ITGA8: variants seen among roughly 807,000 people sequenced by gnomAD.
ITGA8 encodes the protein integrin alpha-8.
ITGA8 carries 91 observed loss-of-function variants against 142.3 expected under a neutral mutation model. That is an observed-to-expected ratio of 0.64 (90% CI 0.54 to 0.76). The LOEUF is 0.76. Among genes scored for constraint, ITGA8 ranks in the 30% least tolerant of loss-of-function variants. The pLI is 0.00. For missense variants in ITGA8, 1,406 were observed against 1,327.7 expected, an observed-to-expected ratio of 1.06 and a Z score of -0.92; for synonymous variants, 505 against 485.2, an observed-to-expected ratio of 1.04 and a Z score of -0.54.
intron 27 of ITGA8, among the ~76,000 whole-genome samples, chr10:15,543,065 C>T (rs1303098625): frequency 1.3e-5 from 2 of 152,140 alleles, no homozygotes; most frequent in Non-Finnish European, 2.9e-5. Flanking sequence ...AGAATAAACA[C>T]CATAAATTAC....
chr10:15,593,251 A>C (rs1030897286), intron 21 of ITGA8, among the ~76,000 whole-genome samples: 8 of 152,256 alleles, frequency 5.3e-5, no homozygotes, highest in African/African-American at 1.9e-4. Context: ...ATAGATAAAA[A>C]CATGGGGAAA....
chr10:15,613,541 C>T (rs1211881612), intron 15 of ITGA8, 119 bp downstream of exon 15: 10 of 750,644 alleles, frequency 1.3e-5, no homozygotes, highest in Admixed American at 2.3e-5. Context: ...AAGCTTTTTT[C>T]GAGAAATGCA....
At chr10:15,668,925 C>T (rs1324939013) in intron 8 of ITGA8, among the ~76,000 whole-genome samples, 4 of 152,278 alleles carry the variant, frequency 2.6e-5, no homozygotes, top group East Asian at 1.9e-4. Flanking sequence ...GTGGGTAACC[C>T]GACCTTTCTC....
intron 25 of ITGA8, among the ~76,000 whole-genome samples, chr10:15,570,870 A>C (rs923119238): frequency 4.6e-5 from 7 of 152,218 alleles, no homozygotes; most frequent in African/African-American, 1.7e-4. Context: ...AAAAAGAGTT[A>C]GAGGTCTCTG....
chr10:15,575,744 T>G, intron 23 of ITGA8, 150 bp from the exon 24 acceptor site: 1 of 618,796 alleles, frequency 1.6e-6, no homozygotes, highest in Non-Finnish European at 2.9e-6. Context: ...GAAAGTGATG[T>G]ACAGTAGAAT....
Position 15,655,356 on chromosome 10 carries a change from A to G in ITGA8, c.999T>C (p.Asp333=). The G allele has an allele frequency of 6.3e-7, 1 of 1,590,482 alleles. No individual in the cohort carries two copies. The highest frequency in any genetic ancestry group is 8.6e-7 in the Non-Finnish European group (1 of 1,158,834). The part of the protein sequence containing the change: ...YTVVVSDVNS[D]GLDDVLVGAP... The stretch of plus-strand genomic sequence containing the variant: ...ATGAGAGAGGTCTATAAACTTACCC[A>G]TCACTGTTAACATCTGATACGACAA... Residue 333 remains aspartate (D), a splice_region_variant and synonymous_variant, in exon 11 of 30, where the codon GAT becomes GAC. Transcript: ENST00000378076.
intron 10 of ITGA8, among the ~76,000 whole-genome samples, chr10:15,656,691 T>C (rs1834192281): frequency 6.6e-6 from 1 of 152,150 alleles, no homozygotes; most frequent in Non-Finnish European, 1.5e-5. Flanking sequence ...GCAGTTTTTC[T>C]TTTTAAACCT....
intron 2 of ITGA8, among the ~76,000 whole-genome samples, chr10:15,695,055 G>A (rs1414547141): frequency 1.3e-5 from 2 of 152,102 alleles, no homozygotes. Flanking sequence ...TCCTTTGCTA[G>A]TTAAAGTTAT....
intron 23 of ITGA8, among the ~76,000 whole-genome samples, chr10:15,577,476 G>A (rs1298960974): frequency 1.3e-5 from 2 of 152,062 alleles, no homozygotes; most frequent in African/African-American, 4.8e-5. Context: ...GTGGTATTTA[G>A]TGAAGACGAC....
At chr10:15,633,515 C>T (rs564766242) in intron 13 of ITGA8, among the ~76,000 whole-genome samples, 28 of 152,220 alleles carry the variant, frequency 1.8e-4, no homozygotes, top group African/African-American at 6.0e-4. Flanking sequence ...CTCACTGCAA[C>T]CTCCGCCTCT....
chr10:15,516,844 T>A lies in ITGA8; in HGVS notation c.*314A>T, dbSNP rs1832969950. On this transcript the variant is annotated 3_prime_UTR_variant, in exon 30 of 30. Transcript: ENST00000378076. ...ATCTCTGCAACTTATGCTGGATTGA[T>A]CTGGACTGCAACTTACGTTCCCATA... The A allele has an allele frequency of 4.3e-6, 1 of 231,994 alleles. No homozygotes were observed. Among genetic ancestry groups the A allele is most frequent in the Admixed American group, 5.5e-5 (1 of 18,342 alleles). The allele number at this position is 231,994 out of a possible 1,614,324, so 14.4% of individuals were successfully genotyped here.
chr10:15,624,045 T>C (rs1227960154), intron 13 of ITGA8, among the ~76,000 whole-genome samples: 1 of 152,210 alleles, frequency 6.6e-6, no homozygotes. Context: ...AGTATTCCAC[T>C]GTGTAGATGG....
At chr10:15,528,884 G>A (rs1257938397) in intron 28 of ITGA8, among the ~76,000 whole-genome samples, 1 of 152,146 alleles carries the variant, frequency 6.6e-6, no homozygotes, top group Non-Finnish European at 1.5e-5. Context: ...GGCTGTGCTT[G>A]CTTTAAATAC....
chr10:15,533,497 T>C (rs1311585367), intron 27 of ITGA8, among the ~76,000 whole-genome samples: 1 of 152,206 alleles, frequency 6.6e-6, no homozygotes, highest in Non-Finnish European at 1.5e-5. Flanking sequence ...CTATCCTCAC[T>C]GATAGAAACA....
intron 25 of ITGA8, among the ~76,000 whole-genome samples, chr10:15,568,399 C>T (rs1040033460): frequency 6.6e-6 from 1 of 152,174 alleles, no homozygotes; most frequent in African/African-American, 2.4e-5. Flanking sequence ...AGGATGATCC[C>T]AGTGGTAGCT....
At chr10:15,588,099 C>T (rs767132715) in intron 22 of ITGA8, among the ~76,000 whole-genome samples, 1 of 152,020 alleles carries the variant, frequency 6.6e-6, no homozygotes, top group Non-Finnish European at 1.5e-5. Context: ...CACTCTGATT[C>T]GATGGACAAG....
chr10:15,563,932 A>AT (rs1834029482), intron 25 of ITGA8, among the ~76,000 whole-genome samples: 1 of 152,052 alleles, frequency 6.6e-6, no homozygotes, highest in South Asian at 2.1e-4. Flanking sequence ...AAAAAAAAAA[A>AT]CAAAAACCAA....
rs983748141 is a variant in ITGA8 at position 15,572,320 on chromosome 10, C to T, written c.2528G>A (p.Gly843Asp). The T allele has an allele frequency of 6.2e-7, 1 of 1,614,006 alleles. No homozygotes were observed. The highest frequency in any genetic ancestry group is 1.7e-4 in the Middle Eastern group (1 of 6,060). ...TTCATCCCGGGCAGAGAAAGGCCAG[C>T]CCACCTCCAGGATGGTGTCACTGAT... The part of the protein sequence containing the change: ...STISDTILEV[G>D]WPFSARDEFL... Residue 843 changes from glycine (G) to aspartate (D), a missense_variant, in exon 25 of 30, where the codon GGC becomes GAC. Gly to Asp is a moderately conservative substitution (Grantham distance 94). Coordinates refer to ENST00000378076, the MANE Select transcript of ITGA8 (RefSeq NM_003638.3).
At chr10:15,658,971 T>C in intron 10 of ITGA8, 28 bp downstream of exon 10, 2 of 1,424,498 alleles carry the variant, frequency 1.4e-6, no homozygotes, top group Non-Finnish European at 2.0e-6. Flanking sequence ...AGAGTGATTT[T>C]ATTTATTTGA....
Sources: allele counts gnomAD v4.1 joint callset (sites outside exome capture counted in the v4.1 genomes callset), GRCh38; gene constraint gnomAD v4.1.1; transcripts MANE v1.5; gene names NCBI Gene and HGNC (gene_info 2026-07-23, HGNC 2026-07-21).